IFIT5: variants seen among roughly 807,000 people sequenced by gnomAD.
IFIT5 encodes the protein interferon-induced protein with tetratricopeptide repeats 5.
A neutral mutation model predicts 5.0 loss-of-function variants in IFIT5; 2 were observed. The ratio of observed to expected loss-of-function variants is 0.40; its 90% CI spans 0.16 to 1.26. The LOEUF is 1.26. IFIT5 is among the 50% of genes most tolerant of loss of function. The pLI, the probability that IFIT5 is intolerant of heterozygous loss-of-function variation, is 0.33. For missense variants in IFIT5, 524 were observed against 563.2 expected, an observed-to-expected ratio of 0.93 and a Z score of 0.70; for synonymous variants, 206 against 204.6, an observed-to-expected ratio of 1.01 and a Z score of -0.06.
intron 1 of IFIT5, 80 bp downstream of exon 1, chr10:89,414,883 G>T: frequency 6.5e-7 from 1 of 1,537,380 alleles, no homozygotes; most frequent in Middle Eastern, 1.9e-4. Context: ...TTCATTTCCA[G>T]CGCAGTTCTG....
At position 89,418,163 on chromosome 10, in the gene IFIT5, T is replaced by C; in HGVS notation, c.964T>C (p.Ser322Pro). 1 of 1,614,228 alleles carries C rather than the reference T, an allele frequency of 6.2e-7. No individual in the cohort carries two copies. The highest frequency in any genetic ancestry group is 8.5e-7 in the Non-Finnish European group (1 of 1,180,040). Residue 322 changes from serine (S) to proline (P), a missense_variant, in exon 2 of 2, where the codon TCT (serine) becomes CCT (proline). Ser to Pro is a moderately conservative substitution (Grantham distance 74). Coordinates refer to ENST00000371795, the MANE Select transcript of IFIT5 (RefSeq NM_012420.3). ...DKLKVDELIS[S>P]AIFHFKAAME... Reference sequence around the variant, plus strand: ...ACTAAAGGTTGATGAGCTGATTTCATCTGCTATATTTCATTTCAAAGCAGC... The same window carrying C: ...ACTAAAGGTTGATGAGCTGATTTCACCTGCTATATTTCATTTCAAAGCAGC...
rs748481306 is a variant in IFIT5 at position 89,417,810 on chromosome 10, T to G, written c.611T>G (p.Leu204Trp). The G allele has an allele frequency of 1.9e-6, 3 of 1,614,166 alleles. No homozygotes were observed. Among genetic ancestry groups the G allele is most frequent in the Non-Finnish European group, 2.5e-6 (3 of 1,180,018 alleles). ...GSVKSFSLGPLRKAVTLNPDN... is the reference protein window; with the variant it reads ...GSVKSFSLGPWRKAVTLNPDN... ...GTAAAGAGCTTTTCTCTGGGGCCTT[T>G]GAGAAAGGCTGTTACCCTGAACCCA... Residue 204 changes from leucine to tryptophan, a missense_variant, in exon 2 of 2, where the codon TTG becomes TGG. Physicochemically the swap from Leu to Trp is moderately conservative, Grantham distance 61. Transcript: ENST00000371795.
In IFIT5 at chr10:89,419,985, TTTGA is replaced by T. The variant is rs1176157544; in HGVS notation, c.*1340_*1343del. On this transcript the variant is annotated 3_prime_UTR_variant, in exon 2 of 2. Coordinates refer to ENST00000371795, the MANE Select transcript of IFIT5 (RefSeq NM_012420.3). ...ATCATCTTTAAAATTTCTATTATGG[TTTGA>T]TTATTATAAAAATAATGAATTCTCA... 1 of 151,426 alleles carries T rather than the reference TTTGA, an allele frequency of 6.6e-6. No individual in the cohort carries two copies. The highest frequency in any genetic ancestry group is 2.4e-5 in the African/African-American group (1 of 41,046). The allele number at this position is 151,426 out of a possible 1,614,324, so 9.4% of individuals were successfully genotyped here. A position where few individuals can be genotyped will look rare whatever the true frequency, so the allele number is the denominator to read the frequency against.
At chr10:89,416,445 G>T (rs565369086) in intron 1 of IFIT5, among the ~76,000 whole-genome samples, 13 of 152,248 alleles carry the variant, frequency 8.5e-5, no homozygotes, top group Non-Finnish European at 1.2e-4. Flanking sequence ...CGAAAGATAC[G>T]TGTTACCTCT....
rs1181298260 is a variant in IFIT5 at position 89,414,728 on chromosome 10, G to T, written c.-71G>T. 9 of 1,554,574 alleles carry T rather than the reference G, an allele frequency of 5.8e-6. No homozygotes were observed. In the Admixed American group the frequency reaches 6.0e-5, roughly 10 times the overall value. On this transcript the variant is annotated 5_prime_UTR_variant, in exon 1 of 2. Transcript: ENST00000371795. ...GCACGCCCACCGCGCGGCTTCCCGC[G>T]GTCCCCGGTGCTGAGGAGAGAGCGA...
chr10:89,414,789 C>T lies in IFIT5; in HGVS notation c.-10C>T, dbSNP rs548982097. 4 of 1,609,684 alleles carry T rather than the reference C, an allele frequency of 2.5e-6. No individual in the cohort carries two copies. Among genetic ancestry groups the T allele is most frequent in the East Asian group, 2.2e-5 (1 of 44,462 alleles). ...TGCGCCGCCCGGACGGCCTGCAGAGCGCTGCCATCATGAGGTAAGGGTTTT... is the reference window on the plus strand; with the variant it reads ...TGCGCCGCCCGGACGGCCTGCAGAGTGCTGCCATCATGAGGTAAGGGTTTT... On this transcript the variant is annotated 5_prime_UTR_variant, in exon 1 of 2. Coordinates refer to ENST00000371795, the MANE Select transcript of IFIT5 (RefSeq NM_012420.3).
intron 1 of IFIT5, among the ~76,000 whole-genome samples, chr10:89,415,819 C>T (rs1841530467): frequency 6.6e-6 from 1 of 152,170 alleles, no homozygotes; most frequent in South Asian, 2.1e-4. Flanking sequence ...TGGAAAAGGA[C>T]AGTAATAAAT....
In IFIT5 at chr10:89,420,589, T is replaced by G. The variant is rs1416761711; in HGVS notation, c.*1941T>G. On this transcript the variant is annotated 3_prime_UTR_variant, in exon 2 of 2. Coordinates refer to ENST00000371795, the MANE Select transcript of IFIT5 (RefSeq NM_012420.3). ...TTCATACACAGAAGGGGCCTGAGAT[T>G]TCTGCACTTTAAACAAGCTCCTCCT... 2.0e-5 allele frequency: 3 copies of G among 152,228 alleles called. No homozygotes were observed. Among genetic ancestry groups the G allele is most frequent in the Admixed American group, 6.5e-5 (1 of 15,278 alleles). The allele number at this position is 152,228 out of a possible 1,614,324, so 9.4% of individuals were successfully genotyped here. A position where few individuals can be genotyped will look rare whatever the true frequency, so the allele number is the denominator to read the frequency against.
In IFIT5 at chr10:89,415,833, A is replaced by C. The variant is rs372520375; in HGVS notation, c.5+1030A>C. Among the ~76,000 whole-genome samples the C allele has an allele frequency of 3.3e-4, 51 of 152,358 alleles. 1 individual carries two copies. The South Asian group carries it at 0.011, about 32-fold the overall frequency. On this transcript the variant is annotated intron_variant, in intron 1 of 1. Transcript: ENST00000371795. Reference sequence around the variant, plus strand: ...GTGGAAAAGGACAGTAATAAATCCTATCAGTTGACTGCTTAGCACATAATA... The same window carrying C: ...GTGGAAAAGGACAGTAATAAATCCTCTCAGTTGACTGCTTAGCACATAATA...
chr10:89,416,770 T>C (rs1377018102), intron 1 of IFIT5, among the ~76,000 whole-genome samples: 1 of 152,244 alleles, frequency 6.6e-6, no homozygotes, highest in Non-Finnish European at 1.5e-5. Context: ...TGGCATGTCT[T>C]GCCCATATTT....
Position 89,414,803 on chromosome 10 carries a change from G to C in IFIT5, c.5G>C (p.Ser2Thr), listed in dbSNP as rs749460678. 1.9e-6 allele frequency: 3 copies of C among 1,610,190 alleles called. No homozygotes were observed. The highest frequency in any genetic ancestry group is 2.7e-5 in the African/African-American group (2 of 74,314). ...GGCCTGCAGAGCGCTGCCATCATGA[G>C]GTAAGGGTTTTCCTTTGCCTCTCCT... M[S>T]EIRKDTLKAI... The change falls in exon 1 of 2, where the codon AGT becomes ACT. Residue 2 changes from serine to threonine, a missense_variant and splice_region_variant. Ser to Thr is a moderately conservative substitution (Grantham distance 58). Transcript: ENST00000371795.
At position 89,417,707 on chromosome 10, in the gene IFIT5, G is replaced by A. The variant is rs1319950441; in HGVS notation, c.508G>A (p.Glu170Lys). Residue 170 changes from glutamate to lysine, a missense_variant, in exon 2 of 2, where the codon GAG becomes AAG. Transcript: ENST00000371795. ...KAAFEKALEV[E>K]PDNPEFNIGY... The stretch of plus-strand genomic sequence containing the variant: ...GGCTTTTGAGAAGGCTCTGGAAGTG[G>A]AGCCTGACAATCCAGAATTTAACAT... The A allele has an allele frequency of 6.2e-7, 1 of 1,614,092 alleles. No homozygotes were observed. The highest frequency in any genetic ancestry group is 1.3e-5 in the African/African-American group (1 of 74,928).
Position 89,417,200 on chromosome 10 carries a change from G to T in IFIT5, c.6-5G>T. The T allele has an allele frequency of 6.4e-7, 1 of 1,560,174 alleles. No individual in the cohort carries two copies. The highest frequency in any genetic ancestry group is 1.2e-5 in the South Asian group (1 of 83,830). On this transcript the variant is annotated splice_polypyrimidine_tract_variant and splice_region_variant and intron_variant, in intron 1 of 1. Transcript: ENST00000371795. ...AAAAATTAAAAAGTATTTTATCTTT[G>T]ACAGTGAAATTCGTAAGGACACCTT... is the stretch of plus-strand genomic sequence containing the variant.
At position 89,417,721 on chromosome 10, in the gene IFIT5, A is replaced by G. The variant is rs773633483; in HGVS notation, c.522A>G (p.Pro174=). The change falls in exon 2 of 2, where the codon CCA becomes CCG. Residue 174 remains proline, a synonymous_variant. Coordinates refer to ENST00000371795, the MANE Select transcript of IFIT5 (RefSeq NM_012420.3). ...CTCTGGAAGTGGAGCCTGACAATCCAGAATTTAACATCGGCTATGCTATCA... is the reference window on the plus strand; with the variant it reads ...CTCTGGAAGTGGAGCCTGACAATCCGGAATTTAACATCGGCTATGCTATCA... ...EKALEVEPDN[P]EFNIGYAITV... 2 of 1,614,220 alleles carry G rather than the reference A, an allele frequency of 1.2e-6. No homozygotes were observed. Among genetic ancestry groups the G allele is most frequent in the South Asian group, 1.1e-5 (1 of 91,088 alleles).
At chr10:89,415,721 C>T (rs1415597617) in intron 1 of IFIT5, among the ~76,000 whole-genome samples, 1 of 152,112 alleles carries the variant, frequency 6.6e-6, no homozygotes, top group Non-Finnish European at 1.5e-5. Flanking sequence ...GACTGAACTC[C>T]TACTAGTTGA....
rs769686871 is a variant in IFIT5 at position 89,417,316 on chromosome 10, GC to G, written c.118del (p.Gln40AsnfsTer21). On this transcript the variant is annotated frameshift_variant, in exon 2 of 2. Transcript: ENST00000371795. LOFTEE classifies it low-confidence loss of function (END_TRUNC). Reference sequence around the variant, plus strand: ...TGTTTGAGGTAGAAGATACAATTGGGCAACAGCTTGAATTTCTTACCACAAA... The same window carrying G: ...TGTTTGAGGTAGAAGATACAATTGGGAACAGCTTGAATTTCTTACCACAAA... ...DLFEVEDTIGQQLEFLTTKSR... is the reference protein window; with the variant it reads ...DLFEVEDTIGXQLEFLTTKSR... 1 of 1,614,100 alleles carries G rather than the reference GC, an allele frequency of 6.2e-7. No homozygotes were observed. The highest frequency in any genetic ancestry group is 1.1e-5 in the South Asian group (1 of 91,080).
chr10:89,414,740 T>C lies in IFIT5; in HGVS notation c.-59T>C. 4 of 1,592,194 alleles carry C rather than the reference T, an allele frequency of 2.5e-6. No homozygotes were observed. The highest frequency in any genetic ancestry group is 3.4e-6 in the Non-Finnish European group (4 of 1,173,210). On this transcript the variant is annotated 5_prime_UTR_variant, in exon 1 of 2. Coordinates refer to ENST00000371795, the MANE Select transcript of IFIT5 (RefSeq NM_012420.3). Reference sequence around the variant, plus strand: ...CGCGGCTTCCCGCGGTCCCCGGTGCTGAGGAGAGAGCGATCCGAGGGACTG... The same window carrying C: ...CGCGGCTTCCCGCGGTCCCCGGTGCCGAGGAGAGAGCGATCCGAGGGACTG...
rs1589649400 is a variant in IFIT5 at position 89,418,873 on chromosome 10, A to C, written c.*225A>C. 2.5e-6 allele frequency: 1 copy of C among 392,914 alleles called. No individual in the cohort carries two copies. Among genetic ancestry groups the C allele is most frequent in the African/African-American group, 2.1e-5 (1 of 48,620 alleles). 24.3% of individuals were successfully genotyped at this position (392,914 alleles called of 1,614,324 possible). On this transcript the variant is annotated 3_prime_UTR_variant, in exon 2 of 2. Coordinates refer to ENST00000371795, the MANE Select transcript of IFIT5 (RefSeq NM_012420.3). ...ATTAAAATACTATAATCCATTGAGA[A>C]ATAGCAATATTCTAGCTATTGTAAC...
At chr10:89,415,408 C>G (rs1252346785) in intron 1 of IFIT5, among the ~76,000 whole-genome samples, 1 of 152,234 alleles carries the variant, frequency 6.6e-6, no homozygotes, top group Non-Finnish European at 1.5e-5. Flanking sequence ...GCGTCAGGTT[C>G]GCCTGCCACT....
Sources: allele counts gnomAD v4.1 joint callset (sites outside exome capture counted in the v4.1 genomes callset), GRCh38; gene constraint gnomAD v4.1.1; transcripts MANE v1.5; gene names NCBI Gene and HGNC (gene_info 2026-07-23, HGNC 2026-07-21).